SCLT1: variants seen among roughly 807,000 people sequenced by gnomAD.
The protein encoded by SCLT1 is sodium channel-associated protein 1.
In SCLT1, 78 loss-of-function variants were observed where a neutral mutation model predicts 112.8. The observed-to-expected ratio is 0.69, with a 90% CI of 0.58 to 0.83. SCLT1 has a LOEUF of 0.83. SCLT1 is among the 40% of genes least tolerant of loss of function. The pLI is 0.00. For synonymous variants in SCLT1, 257 were observed against 254.7 expected (o/e 1.01, Z -0.09); for missense variants, 747 against 770.4 (o/e 0.97, Z 0.36).
At position 128,962,307 on chromosome 4, in the gene SCLT1, T is replaced by C. The variant is rs554193793; in HGVS notation, c.870-2530A>G. Among the ~76,000 whole-genome samples the C allele has an allele frequency of 3.3e-5, 5 of 152,340 alleles. 1 individual carries two copies. In the South Asian group the frequency reaches 1.0e-3, roughly 32 times the overall value. On this transcript the variant is annotated intron_variant, in intron 11 of 20. Coordinates refer to ENST00000281142, the MANE Select transcript of SCLT1 (RefSeq NM_144643.4). The stretch of plus-strand genomic sequence containing the variant: ...CATTAAGAGGGTTTTTTTCAGAATA[T>C]TTAGTCTGACATATTATGTGAATGG...
rs755006037 is a variant in SCLT1 at position 128,936,764 on chromosome 4, T to A, written c.1720A>T (p.Ile574Phe). Residue 574 changes from isoleucine to phenylalanine, a missense_variant, in exon 18 of 21, where the codon ATT becomes TTT. Coordinates refer to ENST00000281142, the MANE Select transcript of SCLT1 (RefSeq NM_144643.4). ...GCTAGGAGATGCCTCAGTTCAACAA[T>A]GGAATTTCTATTACTGTCTTCCATC... ...REMEDSNRNS[I>F]VELRHLLATQ... The A allele has an allele frequency of 5.6e-6, 9 of 1,610,726 alleles. No homozygotes were observed. Among genetic ancestry groups the A allele is most frequent in the Non-Finnish European group, 7.6e-6 (9 of 1,177,158 alleles).
chr4:129,016,855 AAGATT>A (rs1355112384), intron 5 of SCLT1, among the ~76,000 whole-genome samples: 1 of 152,176 alleles, frequency 6.6e-6, no homozygotes, highest in Non-Finnish European at 1.5e-5. Context: ...GATTTTTGTT[AAGATT>A]TTGTCAAGAT....
chr4:128,946,891 A>G (rs1738215689), intron 15 of SCLT1, among the ~76,000 whole-genome samples: 1 of 152,070 alleles, frequency 6.6e-6, no homozygotes, highest in Non-Finnish European at 1.5e-5. Context: ...TTTCCATGCA[A>G]TGGGGCTCCC....
At chr4:129,017,268 G>A (rs1417471851) in intron 5 of SCLT1, among the ~76,000 whole-genome samples, 1 of 151,998 alleles carries the variant, frequency 6.6e-6, no homozygotes, top group Non-Finnish European at 1.5e-5. Context: ...AGTTTTTCAT[G>A]GGTCTTTGAA....
rs144625505 is a variant in SCLT1 at position 128,926,318 on chromosome 4, C to T, written c.1829+10337G>A. Among the ~76,000 whole-genome samples the T allele has an allele frequency of 4.6e-5, 7 of 152,120 alleles. 1 individual carries two copies. Among genetic ancestry groups the T allele is most frequent in the African/African-American group, 1.7e-4 (7 of 41,470 alleles). On this transcript the variant is annotated intron_variant, in intron 18 of 20. Transcript: ENST00000281142. ...TTTATTGTATACTCTGGGTGTTCAA[C>T]AAGGATGTTCCACTCTGGCCGACTG...
chr4:128,976,781 C>T (rs982736826), intron 9 of SCLT1, among the ~76,000 whole-genome samples: 7 of 152,056 alleles, frequency 4.6e-5, no homozygotes, highest in African/African-American at 1.7e-4. Flanking sequence ...AATTATATAT[C>T]TCACAAGAAG....
intron 4 of SCLT1, among the ~76,000 whole-genome samples, chr4:129,042,409 T>C (rs1222875573): frequency 1.3e-5 from 2 of 152,080 alleles, no homozygotes; most frequent in African/African-American, 4.8e-5. Context: ...GTGCTATTAT[T>C]CTAGTTCTCC....
intron 1 of SCLT1, among the ~76,000 whole-genome samples, chr4:129,092,288 T>C (rs1329563099): frequency 6.6e-6 from 1 of 152,142 alleles, no homozygotes; most frequent in Non-Finnish European, 1.5e-5. Context: ...TTTACATCAA[T>C]ATTACACTCA....
intron 2 of SCLT1, among the ~76,000 whole-genome samples, chr4:129,080,358 C>G (rs1187942122): frequency 1.3e-5 from 2 of 152,174 alleles, no homozygotes; most frequent in Admixed American, 1.3e-4. Context: ...CACATATGAA[C>G]TTACACTGTT....
At chr4:128,985,969 T>C (rs186904270) in intron 9 of SCLT1, among the ~76,000 whole-genome samples, 156 of 152,220 alleles carry the variant, frequency 1.0e-3, no homozygotes, top group African/African-American at 3.3e-3. Flanking sequence ...CCTGCAAAAA[T>C]AACAAATTGA....
intron 9 of SCLT1, among the ~76,000 whole-genome samples, chr4:128,977,350 A>G (rs939487201): frequency 2.0e-5 from 3 of 152,152 alleles, no homozygotes; most frequent in Admixed American, 6.5e-5. Context: ...TACATGTACT[A>G]TACCAAGTAC....
At chr4:129,002,233 C>T (rs1743560122) in intron 6 of SCLT1, among the ~76,000 whole-genome samples, 1 of 151,742 alleles carries the variant, frequency 6.6e-6, no homozygotes, top group Non-Finnish European at 1.5e-5. Flanking sequence ...GATCACACAC[C>T]TGGAAAGTAG....
chr4:128,994,385 T>C (rs1742830238), intron 8 of SCLT1, among the ~76,000 whole-genome samples: 1 of 152,194 alleles, frequency 6.6e-6, no homozygotes, highest in Admixed American at 6.6e-5. Flanking sequence ...CATTCCACTG[T>C]ATGTTTATAC....
chr4:128,944,638 A>G (rs1266273089), intron 16 of SCLT1: 2 of 152,184 alleles, frequency 1.3e-5, no homozygotes, highest in Non-Finnish European at 2.9e-5. Context: ...TTAGAAATGG[A>G]CAAGAGAACT....
At chr4:129,043,366 A>G in intron 4 of SCLT1, 29 bp downstream of exon 4, 1 of 1,117,306 alleles carries the variant, frequency 9.0e-7, no homozygotes, top group African/African-American at 1.6e-5. Context: ...ATAAAATATT[A>G]CAAAAGCCTC....
At position 128,911,262 on chromosome 4, in the gene SCLT1, G is replaced by A. The variant is rs748773654; in HGVS notation, c.1830-20125C>T. On this transcript the variant is annotated intron_variant, in intron 18 of 20. Transcript: ENST00000281142. ...GCCTGGGCAATAAGAATGAAACTCC[G>A]TCTCAAAAAAATATAATAAATAGGT... 3.9e-5 allele frequency among the ~76,000 whole-genome samples: 6 copies of A among 152,110 alleles called. No homozygotes were observed. The East Asian group carries it at 5.8e-4, about 15-fold the overall frequency.
rs902283827 is a variant in SCLT1, at chr4:128,923,726, A to G, written c.1829+12929T>C. Among the ~76,000 whole-genome samples the G allele has an allele frequency of 5.9e-5, 9 of 151,798 alleles. No individual in the cohort carries two copies. The East Asian group carries it at 1.5e-3, about 26-fold the overall frequency. Reference sequence around the variant, plus strand: ...CCTTTTTATTTCTGAGTGTTTATCCATGCACCTGGTGATGTACATTTGGGT... The same window carrying G: ...CCTTTTTATTTCTGAGTGTTTATCCGTGCACCTGGTGATGTACATTTGGGT... On this transcript the variant is annotated intron_variant, in intron 18 of 20. Coordinates refer to ENST00000281142, the MANE Select transcript of SCLT1 (RefSeq NM_144643.4).
chr4:128,899,774 C>A (rs1443588886), intron 18 of SCLT1, among the ~76,000 whole-genome samples: 4 of 152,178 alleles, frequency 2.6e-5, no homozygotes, highest in Non-Finnish European at 5.9e-5. Flanking sequence ...ATCTAGAAAA[C>A]CCCACTGTCT....
intron 16 of SCLT1, 77 bp from the exon 17 acceptor site, chr4:128,943,265 A>T (rs1737865983): frequency 9.9e-7 from 1 of 1,010,992 alleles, no homozygotes; most frequent in African/African-American, 1.6e-5. Flanking sequence ...TCTACATTTT[A>T]TCACATGGAC....
Sources: gnomAD v4.1 joint callset for allele counts (sites outside exome capture counted in the v4.1 genomes callset) on GRCh38, gnomAD v4.1.1 for gene constraint, MANE v1.5 for transcripts, NCBI Gene and HGNC (gene_info 2026-07-23, HGNC 2026-07-21) for gene names.